The following MACROD2 variants were observed in gnomAD, a reference collection of about 807,000 sequenced individuals.
The protein encoded by MACROD2 is mono-ADP ribosylhydrolase 2, also known as ADP-ribose glycohydrolase MACROD2.
MACROD2 carries 36 observed loss-of-function variants against 70.4 expected under a neutral mutation model. The observed-to-expected ratio is 0.51, with a 90% CI of 0.39 to 0.68. MACROD2 has a LOEUF of 0.68. Ranked by LOEUF, MACROD2 falls within the 30% of genes least tolerant of loss-of-function variation. The pLI is 0.00. For synonymous variants in MACROD2, 172 were observed against 178.8 expected (o/e 0.96, Z 0.30); for missense variants, 496 against 538.4 (o/e 0.92, Z 0.78).
At chr20:15,758,643 G>T (rs140481418) in intron 8 of MACROD2, among the ~76,000 whole-genome samples, 2 of 149,624 alleles carry the variant, frequency 1.3e-5, no homozygotes, top group South Asian at 4.3e-4. Context: ...TGGCTCAAGC[G>T]ATCCTTCTTC....
chr20:15,016,875 C>G (rs1046734055), intron 5 of MACROD2, among the ~76,000 whole-genome samples: 1 of 152,130 alleles, frequency 6.6e-6, no homozygotes, highest in African/African-American at 2.4e-5. Context: ...ACAAAAAAGA[C>G]CAGCCCCCAT....
chr20:15,809,855 C>T (rs2063801548), intron 8 of MACROD2, among the ~76,000 whole-genome samples: 1 of 138,576 alleles, frequency 7.2e-6, no homozygotes, highest in Admixed American at 7.3e-5. Context: ...TCTCTGGCCA[C>T]CCTATCTTTT....
chr20:15,307,819 T>C (rs1219286961), intron 6 of MACROD2, among the ~76,000 whole-genome samples: 2 of 152,220 alleles, frequency 1.3e-5, no homozygotes, highest in Non-Finnish European at 2.9e-5. Flanking sequence ...TATAGTCTTC[T>C]AAAATATGGA....
chr20:15,422,268 A>G (rs1480938744), intron 6 of MACROD2, among the ~76,000 whole-genome samples: 2 of 152,074 alleles, frequency 1.3e-5, no homozygotes, highest in South Asian at 2.1e-4. Flanking sequence ...AAGGATTCTC[A>G]CTCTACTCTT....
rs1197688140 is a variant in MACROD2 at position 14,370,403 on chromosome 20, T to C, written c.272-123076T>C. Among the ~76,000 whole-genome samples, 4 of 152,216 alleles carry C rather than the reference T, an allele frequency of 2.6e-5. No homozygotes were observed. The South Asian group carries it at 6.2e-4, about 24-fold the overall frequency. ...AGGACTTTAAGGGCAAAATTTTGTT[T>C]GGGTTTGGGAATACCAAAATTTAGG... On this transcript the variant is annotated intron_variant, in intron 3 of 17. Coordinates refer to ENST00000684519, the MANE Select transcript of MACROD2 (RefSeq NM_001351661.2).
chr20:15,605,026 A>T (rs925907387), intron 8 of MACROD2, among the ~76,000 whole-genome samples: 3 of 148,138 alleles, frequency 2.0e-5, no homozygotes, highest in South Asian at 2.2e-4. Flanking sequence ...GGCATTTTTT[A>T]AAAATTCCCA....
chr20:14,553,078 G>A (rs1978769111), intron 4 of MACROD2, among the ~76,000 whole-genome samples: 1 of 151,214 alleles, frequency 6.6e-6, no homozygotes, highest in Non-Finnish European at 1.5e-5. Flanking sequence ...TTACTATTTT[G>A]TAATAATACT....
At chr20:15,294,537 C>G (rs1002209087) in intron 6 of MACROD2, among the ~76,000 whole-genome samples, 6 of 152,212 alleles carry the variant, frequency 3.9e-5, no homozygotes, top group Middle Eastern at 3.2e-3. Context: ...GTGCTCAGAT[C>G]TCCTCCTCTG....
intron 5 of MACROD2, among the ~76,000 whole-genome samples, chr20:14,936,599 G>A (rs1716568644): frequency 6.6e-6 from 1 of 151,882 alleles, no homozygotes; most frequent in Non-Finnish European, 1.5e-5. Context: ...AGGTTATATG[G>A]GATCTGAAGC....
intron 6 of MACROD2, among the ~76,000 whole-genome samples, chr20:15,377,760 G>A (rs1161763114): frequency 6.6e-6 from 1 of 152,120 alleles, no homozygotes; most frequent in African/African-American, 2.4e-5. Flanking sequence ...TTGCAAAGCA[G>A]TTATTTCTAT....
chr20:15,678,626 A>G (rs2050112460), intron 8 of MACROD2, among the ~76,000 whole-genome samples: 1 of 152,144 alleles, frequency 6.6e-6, no homozygotes, highest in Non-Finnish European at 1.5e-5. Flanking sequence ...TATCTTTAAA[A>G]AAATAAATAA....
intron 6 of MACROD2, among the ~76,000 whole-genome samples, chr20:15,352,461 G>T (rs939919113): frequency 1.3e-5 from 2 of 151,950 alleles, no homozygotes; most frequent in African/African-American, 2.4e-5. Context: ...ATATTCCAAA[G>T]ATATCAGAAA....
chr20:15,608,918 C>T (rs1474888555), intron 8 of MACROD2, among the ~76,000 whole-genome samples: 1 of 152,022 alleles, frequency 6.6e-6, no homozygotes. Context: ...TCTTTTGCTG[C>T]CCCTCTAAAT....
chr20:14,492,416 TTAATG>T (rs1221718573), intron 3 of MACROD2, among the ~76,000 whole-genome samples: 1 of 152,188 alleles, frequency 6.6e-6, no homozygotes, highest in Non-Finnish European at 1.5e-5. Flanking sequence ...GATATTCTCT[TTAATG>T]TAACAACAAT....
intron 3 of MACROD2, among the ~76,000 whole-genome samples, chr20:14,176,417 A>G (rs1317506579): frequency 4.6e-5 from 7 of 152,234 alleles, no homozygotes; most frequent in Non-Finnish European, 1.5e-5. Context: ...CTACAGATAC[A>G]TAAAGTGAAA....
At chr20:14,950,811 G>A (rs948872863) in intron 5 of MACROD2, among the ~76,000 whole-genome samples, 1 of 152,138 alleles carries the variant, frequency 6.6e-6, no homozygotes, top group Non-Finnish European at 1.5e-5. Context: ...GAATGTTTTA[G>A]TGAAAAGACT....
At chr20:14,209,820 G>A (rs932347687) in intron 3 of MACROD2, among the ~76,000 whole-genome samples, 3 of 152,116 alleles carry the variant, frequency 2.0e-5, no homozygotes, top group Non-Finnish European at 4.4e-5. Context: ...CCACTTAGTC[G>A]CAAGGGAGGC....
intron 6 of MACROD2, among the ~76,000 whole-genome samples, chr20:15,403,239 A>AT (rs2045953997): frequency 6.6e-6 from 1 of 152,198 alleles, no homozygotes; most frequent in Admixed American, 6.5e-5. Flanking sequence ...AAGTGCTGGG[A>AT]TTATAGCTGT....
At chr20:14,930,633 T>TTG (rs1191798147) in intron 5 of MACROD2, among the ~76,000 whole-genome samples, 1 of 152,050 alleles carries the variant, frequency 6.6e-6, no homozygotes, top group African/African-American at 2.4e-5. Context: ...TGGTACTCAA[T>TTG]AACAGTATTA....
Sources: gnomAD v4.1 joint callset for allele counts (sites outside exome capture counted in the v4.1 genomes callset) on GRCh38, gnomAD v4.1.1 for gene constraint, MANE v1.5 for transcripts, NCBI Gene and HGNC (gene_info 2026-07-23, HGNC 2026-07-21) for gene names.